The following GALNTL6 variants were observed in gnomAD, a reference collection of about 807,000 sequenced individuals.
The protein encoded by GALNTL6 is polypeptide N-acetylgalactosaminyltransferase-like 6.
In GALNTL6, 46 loss-of-function variants were observed where a neutral mutation model predicts 73.7. The ratio of observed to expected loss-of-function variants is 0.62; its 90% CI spans 0.49 to 0.80. GALNTL6 has a LOEUF of 0.80. Among genes scored for constraint, GALNTL6 ranks in the 30% least tolerant of loss-of-function variants. The probability of loss-of-function intolerance (pLI) is 0.00; values close to 1 mark genes in which losing one functional copy is unlikely to be tolerated. For missense variants in GALNTL6, 604 were observed against 755.0 expected (o/e 0.80, Z 2.34); for synonymous variants, 259 against 263.7 (o/e 0.98, Z 0.17).
intron 7 of GALNTL6, among the ~76,000 whole-genome samples, chr4:172,847,956 A>T (rs993252692): frequency 2.6e-5 from 4 of 152,210 alleles, no homozygotes; most frequent in African/African-American, 7.2e-5. Context: ...GAGACCCTCT[A>T]TCTACATACA....
At chr4:172,592,837 T>C (rs562012586) in intron 5 of GALNTL6, among the ~76,000 whole-genome samples, 2 of 152,276 alleles carry the variant, frequency 1.3e-5, no homozygotes, top group East Asian at 3.9e-4. Flanking sequence ...GATATTTCTT[T>C]ATGATTAATG....
chr4:172,028,563 T>C (rs1264552682), intron 2 of GALNTL6, among the ~76,000 whole-genome samples: 8 of 152,068 alleles, frequency 5.3e-5, no homozygotes, highest in Non-Finnish European at 1.0e-4. Context: ...TTACTCCTGA[T>C]ATGGAAATTT....
At chr4:172,326,404 T>A (rs1186287513) in intron 4 of GALNTL6, among the ~76,000 whole-genome samples, 2 of 151,952 alleles carry the variant, frequency 1.3e-5, no homozygotes, top group Admixed American at 6.6e-5. Flanking sequence ...GCATAAACAT[T>A]TTGGATTGTT....
intron 2 of GALNTL6, among the ~76,000 whole-genome samples, chr4:171,967,634 T>C (rs1484228310): frequency 1.3e-5 from 2 of 152,198 alleles, no homozygotes; most frequent in Non-Finnish European, 2.9e-5. Context: ...ATGCCTCTGT[T>C]AACATTTTCA....
At chr4:172,452,980 A>G (rs1732263773) in intron 5 of GALNTL6, among the ~76,000 whole-genome samples, 1 of 152,206 alleles carries the variant, frequency 6.6e-6, no homozygotes, top group South Asian at 2.1e-4. Context: ...AAGTGAGTGT[A>G]TTACCTGAGG....
chr4:171,954,285 C>T (rs1170820913), intron 2 of GALNTL6, among the ~76,000 whole-genome samples: 1 of 151,984 alleles, frequency 6.6e-6, no homozygotes, highest in African/African-American at 2.4e-5. Context: ...AATTCTTGCA[C>T]TATGTAATAG....
At chr4:172,528,640 G>A (rs1162384437) in intron 5 of GALNTL6, among the ~76,000 whole-genome samples, 1 of 150,982 alleles carries the variant, frequency 6.6e-6, no homozygotes, top group East Asian at 2.0e-4. Context: ...CACTGCACCT[G>A]GCCTTATATT....
chr4:172,824,277 C>T (rs1403218210), intron 7 of GALNTL6, among the ~76,000 whole-genome samples: 1 of 151,796 alleles, frequency 6.6e-6, no homozygotes, highest in Non-Finnish European at 1.5e-5. Context: ...ACTCTCTAGT[C>T]CTGAATTACT....
chr4:172,972,509 C>G (rs973523877), intron 10 of GALNTL6, among the ~76,000 whole-genome samples: 1 of 152,226 alleles, frequency 6.6e-6, no homozygotes, highest in African/African-American at 2.4e-5. Flanking sequence ...TAGCCACATT[C>G]TAGCTTTGTC....
chr4:173,034,152 A>G (rs1753585804), intron 12 of GALNTL6, among the ~76,000 whole-genome samples: 1 of 151,526 alleles, frequency 6.6e-6, no homozygotes, highest in Admixed American at 6.6e-5. Context: ...TTCTCAGATC[A>G]CTCCCTGGGT....
At chr4:172,211,751 A>G (rs1015893124) in intron 2 of GALNTL6, among the ~76,000 whole-genome samples, 1 of 152,164 alleles carries the variant, frequency 6.6e-6, no homozygotes, top group East Asian at 1.9e-4. Flanking sequence ...GTGCCAGCAG[A>G]TTTGGTGTCA....
chr4:172,058,957 G>A (rs1020352965), intron 2 of GALNTL6, among the ~76,000 whole-genome samples: 1 of 152,060 alleles, frequency 6.6e-6, no homozygotes, highest in South Asian at 2.1e-4. Context: ...ATTTTCTATT[G>A]AGATGTGTAC....
At chr4:172,103,192 G>C (rs932294648) in intron 2 of GALNTL6, among the ~76,000 whole-genome samples, 3 of 152,138 alleles carry the variant, frequency 2.0e-5, no homozygotes, top group Non-Finnish European at 4.4e-5. Flanking sequence ...CATGAGACCT[G>C]CCAGGTAAAT....
At chr4:172,372,898 A>T (rs1388008004) in intron 5 of GALNTL6, among the ~76,000 whole-genome samples, 1 of 152,112 alleles carries the variant, frequency 6.6e-6, no homozygotes, top group Non-Finnish European at 1.5e-5. Flanking sequence ...TATAGGCTGT[A>T]TTCATTCCTT....
rs78783084 is a variant in GALNTL6, at chr4:172,217,130, C to G, written c.139-12526C>G. The stretch of plus-strand genomic sequence containing the variant: ...GATGACAAATGTTTCCTAATTAGTC[C>G]TTTAAAAGGTGTTGGACTCTTAGTT... On this transcript the variant is annotated intron_variant, in intron 2 of 12. Coordinates refer to ENST00000506823, the MANE Select transcript of GALNTL6 (RefSeq NM_001034845.3). Among the ~76,000 whole-genome samples the G allele has an allele frequency of 3.9e-3, 600 of 152,146 alleles. 9 individuals are homozygous for G. Among genetic ancestry groups the G allele is most frequent in the East Asian group, 0.023 (117 of 5,174 alleles).
chr4:172,438,054 T>C (rs532290640), intron 5 of GALNTL6, among the ~76,000 whole-genome samples: 1 of 152,246 alleles, frequency 6.6e-6, no homozygotes, highest in African/African-American at 2.4e-5. Flanking sequence ...CTCCCACTAT[T>C]TCTACTAATT....
At chr4:171,918,875 A>G (rs969994473) in intron 2 of GALNTL6, among the ~76,000 whole-genome samples, 9 of 152,278 alleles carry the variant, frequency 5.9e-5, no homozygotes, top group South Asian at 4.1e-4. Context: ...GCTAAATGAA[A>G]TAAGCCCGTC....
intron 2 of GALNTL6, among the ~76,000 whole-genome samples, chr4:172,167,876 G>A (rs56401773): frequency 0.34 from 49,818 of 148,026 alleles, 9,896 homozygotes; most frequent in South Asian, 0.56. Context: ...GGAGAATGGC[G>A]TGAACCCGGG....
intron 5 of GALNTL6, among the ~76,000 whole-genome samples, chr4:172,485,840 T>C (rs557537965): frequency 6.6e-6 from 1 of 152,302 alleles, no homozygotes; most frequent in East Asian, 1.9e-4. Flanking sequence ...TCTAAATGTT[T>C]TTATGTTGTA....
Sources: allele counts gnomAD v4.1 joint callset (sites outside exome capture counted in the v4.1 genomes callset), GRCh38; gene constraint gnomAD v4.1.1; transcripts MANE v1.5; gene names NCBI Gene and HGNC (gene_info 2026-07-23, HGNC 2026-07-21).